The following KIF1A variants were observed in gnomAD, a reference collection of about 807,000 sequenced individuals.
The protein encoded by KIF1A is kinesin family member 1A.
In KIF1A, 46 loss-of-function variants were observed where a neutral mutation model predicts 227.3. The ratio of observed to expected loss-of-function variants is 0.20; its 90% CI spans 0.16 to 0.26. The LOEUF is 0.26. KIF1A is among the 10% of genes least tolerant of loss of function. The probability of loss-of-function intolerance (pLI) is 1.00; values close to 1 mark genes in which losing one functional copy is unlikely to be tolerated. For synonymous variants in KIF1A, 1,022 were observed against 1,012.8 expected (o/e 1.01, Z -0.17); for missense variants, 1,683 against 2,485.9 (o/e 0.68, Z 6.87).
chr2:240,749,867 G>A (rs1197210830), intron 28 of KIF1A, among the ~76,000 whole-genome samples: 1 of 152,224 alleles, frequency 6.6e-6, no homozygotes, highest in African/African-American at 2.4e-5. Context: ...GCCTGTGCCT[G>A]AGAGACCAGG....
chr2:240,816,850 C>T (rs1575684528), intron 1 of KIF1A, among the ~76,000 whole-genome samples: 3 of 152,322 alleles, frequency 2.0e-5, no homozygotes, highest in African/African-American at 7.2e-5. Context: ...GCTCAGTCTC[C>T]ACCTGCTGCT....
chr2:240,785,025 C>A lies in KIF1A; in HGVS notation c.684G>T (p.Lys228Asn). 2.5e-6 allele frequency: 4 copies of A among 1,613,646 alleles called. No homozygotes were observed. Among genetic ancestry groups the A allele is most frequent in the Non-Finnish European group, 3.4e-6 (4 of 1,179,824 alleles). ...HAVFNIIFTQ[K>N]RHDAETNITT... is the part of the protein sequence containing the mutation. ...TGATATTGGTCTCTGCGTCATGGCG[C>A]TTCTGGGTGAAGATGATGTTGAAGA... Residue 228 changes from lysine (K) to asparagine (N), a missense_variant, in exon 7 of 49, where the codon AAG becomes AAT. Physicochemically the swap from Lys to Asn is moderately conservative, Grantham distance 94 (BLOSUM62 0). Coordinates refer to ENST00000498729, the MANE Select transcript of KIF1A (RefSeq NM_001244008.2).
rs990997300 is a variant in KIF1A at position 240,792,127 on chromosome 2, G to A, written c.107-2815C>T. Among the ~76,000 whole-genome samples the A allele has an allele frequency of 5.3e-5, 8 of 151,958 alleles. No individual in the cohort carries two copies. Among genetic ancestry groups the A allele is most frequent in the Non-Finnish European group, 7.4e-5 (5 of 67,972 alleles). On this transcript the variant is annotated intron_variant, in intron 2 of 48. Coordinates refer to ENST00000498729, the MANE Select transcript of KIF1A (RefSeq NM_001244008.2). The surrounding 1 kb of genome is among the most constrained non-coding windows in gnomAD (Gnocchi z 4.5). Reference sequence around the variant, plus strand: ...AGGTCCTCTCCCCCGGTCACACGACGCACAGCCAGACTAGAAGCCAGGGTC... The same window carrying A: ...AGGTCCTCTCCCCCGGTCACACGACACACAGCCAGACTAGAAGCCAGGGTC...
chr2:240,819,461 G>A (rs979046809), intron 1 of KIF1A, among the ~76,000 whole-genome samples: 2 of 152,126 alleles, frequency 1.3e-5, no homozygotes, highest in Non-Finnish European at 2.9e-5. Context: ...GGGGGTGATG[G>A]GCAGGCCGGC....
At position 240,792,820 on chromosome 2, in the gene KIF1A, AG is replaced by A. The variant is rs900200510; in HGVS notation, c.107-3509del. On this transcript the variant is annotated intron_variant, in intron 2 of 48. Coordinates refer to ENST00000498729, the MANE Select transcript of KIF1A (RefSeq NM_001244008.2). The surrounding 1 kb of genome is among the most constrained non-coding windows in gnomAD (Gnocchi z 4.5). ...ATGGTGGGATGAGTGGCTTTAAAGGAGGGGAAGGGACCCGAGCTCCCTGGGC... is the reference window on the plus strand; with the variant it reads ...ATGGTGGGATGAGTGGCTTTAAAGGAGGGAAGGGACCCGAGCTCCCTGGGC... Among the ~76,000 whole-genome samples, 15 of 152,018 alleles carry A rather than the reference AG, an allele frequency of 9.9e-5. No individual in the cohort carries two copies. The highest frequency in any genetic ancestry group is 4.6e-4 in the Admixed American group (7 of 15,274).
chr2:240,772,520 T>C, intron 14 of KIF1A, 50 bp downstream of exon 14: 2 of 1,513,320 alleles, frequency 1.3e-6, no homozygotes, highest in Non-Finnish European at 1.8e-6. Context: ...GCCCTCATGC[T>C]GGCTGGGGCT....
intron 38 of KIF1A, among the ~76,000 whole-genome samples, chr2:240,734,257 C>T (rs2047069391): frequency 6.6e-6 from 1 of 152,256 alleles, no homozygotes; most frequent in African/African-American, 2.4e-5. Context: ...GCTCATGGCT[C>T]TGCCTGCTAC....
rs1195061197 is a variant in KIF1A, at chr2:240,774,390, TACCCCCCCCCCC to T, written c.959-141_959-130del. ...AGAGAGGTAAACTGAGTCACAGGCTTACCCCCCCCCCCACCCCCACCCCATGAACACAGACAA... is the reference window on the plus strand; with the variant it reads ...AGAGAGGTAAACTGAGTCACAGGCTTACCCCCACCCCATGAACACAGACAA... On this transcript the variant is annotated intron_variant, in intron 11 of 48. Coordinates refer to ENST00000498729, the MANE Select transcript of KIF1A (RefSeq NM_001244008.2). 1.6e-5 allele frequency: 6 copies of T among 374,308 alleles called. No homozygotes were observed. The East Asian group carries it at 2.6e-4, about 16-fold the overall frequency. 23.2% of individuals were successfully genotyped at this position (374,308 alleles called of 1,614,324 possible).
chr2:240,767,012 C>T lies in KIF1A; in HGVS notation c.1587G>A (p.Arg529=), dbSNP rs1318367754. Residue 529 remains arginine, a synonymous_variant, in exon 19 of 49, where the codon AGG becomes AGA. Coordinates refer to ENST00000498729, the MANE Select transcript of KIF1A (RefSeq NM_001244008.2). The stretch of plus-strand genomic sequence containing the variant: ...TGTCCTGCCGCCTCTCGCCATCCTC[C>T]CTGCCCACTCTGCGGGGTGGGGGCA... ...YIKDGITRVG[R]EDGERRQDIV... is the part of the protein sequence containing the mutation. 14 of 1,609,848 alleles carry T rather than the reference C, an allele frequency of 8.7e-6. No homozygotes were observed. The highest frequency in any genetic ancestry group is 2.2e-5 in the South Asian group (2 of 90,354).
At chr2:240,753,174 G>A (rs1414859898) in intron 27 of KIF1A, among the ~76,000 whole-genome samples, 4 of 152,182 alleles carry the variant, frequency 2.6e-5, no homozygotes, top group African/African-American at 9.7e-5. Flanking sequence ...CTAGAGAAGG[G>A]GCCACTCCCT....
Position 240,757,380 on chromosome 2 carries a change from C to T in KIF1A, c.2797G>A (p.Ala933Thr), listed in dbSNP as rs1046986078. 1.2e-5 allele frequency: 19 copies of T among 1,550,360 alleles called. No homozygotes were observed. Among genetic ancestry groups the T allele is most frequent in the South Asian group, 9.5e-5 (8 of 84,050 alleles). Residue 933 changes from alanine to threonine, a missense_variant, in exon 27 of 49, where the codon GCG becomes ACG. Ala to Thr is a moderately conservative substitution (Grantham distance 58). Coordinates refer to ENST00000498729, the MANE Select transcript of KIF1A (RefSeq NM_001244008.2). This position sits in a 1 kb window ranked among gnomAD's most constrained non-coding sequence, Gnocchi z 6.2. ...DLEDDVFPEH[A>T]LCDGRDPFYD... ...AACGGGTCCCGGCCGTCGCACAGCGCGTGCTCCGGAAAGACGTCGTCCTCC... is the reference window on the plus strand; with the variant it reads ...AACGGGTCCCGGCCGTCGCACAGCGTGTGCTCCGGAAAGACGTCGTCCTCC...
chr2:240,802,096 GAAAA>G (rs11367239), intron 1 of KIF1A, among the ~76,000 whole-genome samples: 6 of 101,700 alleles, frequency 5.9e-5, no homozygotes, highest in Non-Finnish European at 1.3e-4. Context: ...AAGTCAGCCA[GAAAA>G]AAAAAAAAAA....
At chr2:240,815,158 C>A (rs1410095148) in intron 1 of KIF1A, among the ~76,000 whole-genome samples, 2 of 152,140 alleles carry the variant, frequency 1.3e-5, no homozygotes, top group African/African-American at 4.8e-5. Flanking sequence ...CAGATGACAC[C>A]AAGCAACTGA....
At chr2:240,760,566 G>T (rs1402189824) in intron 25 of KIF1A, 99 bp downstream of exon 25, 4 of 874,170 alleles carry the variant, frequency 4.6e-6, no homozygotes, top group Non-Finnish European at 6.5e-6. Flanking sequence ...GGTGTCTGCA[G>T]GTACTCGCTG....
intron 1 of KIF1A, among the ~76,000 whole-genome samples, chr2:240,813,191 C>A (rs958955466): frequency 6.6e-6 from 1 of 152,376 alleles, no homozygotes; most frequent in Admixed American, 6.5e-5. Flanking sequence ...GAATTACAAC[C>A]GATTGTCATA....
In KIF1A at chr2:240,782,581, G is replaced by A; in HGVS notation, c.882+9C>T. The A allele has an allele frequency of 6.4e-7, 1 of 1,552,314 alleles. No homozygotes were observed. Among genetic ancestry groups the A allele is most frequent in the East Asian group, 2.4e-5 (1 of 41,144 alleles). On this transcript the variant is annotated intron_variant, in intron 10 of 48. Coordinates refer to ENST00000498729, the MANE Select transcript of KIF1A (RefSeq NM_001244008.2). ...CGCACCTGCCCCGGGGCTGAAGGAA[G>A]CCGCTTACCTTGTTGGGTCCGGAGT...
In KIF1A at chr2:240,788,163, T is replaced by G; in HGVS notation, c.251A>C (p.His84Pro). The change falls in exon 4 of 49, where the codon CAT (histidine) becomes CCT (proline). Residue 84 changes from histidine to proline, a missense_variant. His to Pro is a moderately conservative substitution (Grantham distance 77). Around this residue, in one of 12 missense-constraint regions of KIF1A, gnomAD observed 71 missense variants for 129.1 expected, o/e 0.55. Transcript: ENST00000498729. The surrounding 1 kb of genome is among the most constrained non-coding windows in gnomAD (Gnocchi z 6.6). ...YRDIGEEMLQ[H>P]AFEGYNVCIF... ...GCACACGTTGTATCCCTCAAAGGCA[T>G]GCTGCAGCATCTCCTCGCCGATGTC... is the stretch of plus-strand genomic sequence containing the variant. 6.2e-7 allele frequency: 1 copy of G among 1,613,718 alleles called. No homozygotes were observed. The highest frequency in any genetic ancestry group is 8.5e-7 in the Non-Finnish European group (1 of 1,179,818).
chr2:240,753,271 G>A (rs2049437794), intron 27 of KIF1A, among the ~76,000 whole-genome samples: 1 of 152,210 alleles, frequency 6.6e-6, no homozygotes, highest in Non-Finnish European at 1.5e-5. Flanking sequence ...GGGGGTCTGA[G>A]GCAGTGCATA....
chr2:240,738,427 C>T (rs2047600473), intron 37 of KIF1A, among the ~76,000 whole-genome samples: 1 of 152,212 alleles, frequency 6.6e-6, no homozygotes, highest in African/African-American at 2.4e-5. Flanking sequence ...GTCCAACTCA[C>T]AGGGCTGGAA....
Sources: allele counts gnomAD v4.1 joint callset (sites outside exome capture counted in the v4.1 genomes callset), GRCh38; gene constraint gnomAD v4.1.1; regional missense constraint gnomAD v4.1.1; non-coding constraint Gnocchi (gnomAD v3.1); transcripts MANE v1.5; gene names NCBI Gene and HGNC (gene_info 2026-07-23, HGNC 2026-07-21).